Variants in CCSER1 observed in about 807,000 individuals in gnomAD.
CCSER1 encodes the protein coiled-coil serine rich protein 1, also known as serine-rich coiled-coil domain-containing protein 1.
A neutral mutation model predicts 82.0 loss-of-function variants in CCSER1; 41 were observed. That is an observed-to-expected ratio of 0.50 (90% CI 0.39 to 0.65). CCSER1 has a LOEUF of 0.65. Among genes scored for constraint, CCSER1 ranks in the 30% least tolerant of loss-of-function variants. CCSER1 has a pLI of 0.00. For missense variants in CCSER1, 1,119 were observed against 1,064.2 expected, an observed-to-expected ratio of 1.05 and a Z score of -0.72; for synonymous variants, 414 against 383.9, an observed-to-expected ratio of 1.08 and a Z score of -0.92.
intron 4 of CCSER1, among the ~76,000 whole-genome samples, chr4:90,420,561 C>G (rs1756530143): frequency 6.6e-6 from 1 of 150,384 alleles, no homozygotes. Context: ...TTTAAAAGTG[C>G]TTCTGCCTAT....
intron 4 of CCSER1, among the ~76,000 whole-genome samples, chr4:90,415,748 A>G (rs373405120): frequency 1.3e-5 from 2 of 152,200 alleles, no homozygotes; most frequent in Non-Finnish European, 2.9e-5. Context: ...TATTTCGGCT[A>G]CTCATAGGAT....
chr4:90,665,766 A>C (rs1213190482), intron 6 of CCSER1, among the ~76,000 whole-genome samples: 4 of 152,178 alleles, frequency 2.6e-5, no homozygotes, highest in Non-Finnish European at 5.9e-5. Context: ...CCAGAAACTG[A>C]AAATAACACA....
At chr4:90,610,201 C>T (rs1358000181) in intron 5 of CCSER1, among the ~76,000 whole-genome samples, 4 of 151,574 alleles carry the variant, frequency 2.6e-5, no homozygotes, top group Non-Finnish European at 5.9e-5. Context: ...TGCAGTGAGC[C>T]AAGATTGCGC....
chr4:91,554,924 T>C (rs916167791), intron 10 of CCSER1, among the ~76,000 whole-genome samples: 27 of 151,190 alleles, frequency 1.8e-4, no homozygotes, highest in Admixed American at 1.5e-3. Flanking sequence ...GCCAAGAACA[T>C]ACAATAGGGA....
At chr4:90,158,940 G>C (rs1187290086) in intron 1 of CCSER1, among the ~76,000 whole-genome samples, 2 of 152,092 alleles carry the variant, frequency 1.3e-5, no homozygotes, top group Admixed American at 1.3e-4. Context: ...TACCTCAGAT[G>C]GAAATGCAGA....
At chr4:91,446,051 G>A (rs1668974136) in intron 10 of CCSER1, among the ~76,000 whole-genome samples, 1 of 152,056 alleles carries the variant, frequency 6.6e-6, no homozygotes, top group Non-Finnish European at 1.5e-5. Context: ...TATAGTTTGA[G>A]TGGGAAGAAG....
intron 5 of CCSER1, among the ~76,000 whole-genome samples, chr4:90,613,968 C>T (rs1720731250): frequency 6.6e-6 from 1 of 152,136 alleles, no homozygotes; most frequent in South Asian, 2.1e-4. Flanking sequence ...TTGCACCTTG[C>T]TTTACACAGT....
At chr4:90,658,982 C>A (rs185432494) in intron 6 of CCSER1, among the ~76,000 whole-genome samples, 3 of 151,780 alleles carry the variant, frequency 2.0e-5, no homozygotes, top group African/African-American at 7.3e-5. Context: ...ATTTTCTTCC[C>A]GTTTTCTTGC....
chr4:90,887,780 G>A (rs929723518), intron 8 of CCSER1, among the ~76,000 whole-genome samples: 1 of 152,108 alleles, frequency 6.6e-6, no homozygotes, highest in African/African-American at 2.4e-5. Flanking sequence ...TACCTGGGAG[G>A]CTGAGGCAGG....
chr4:90,709,082 A>G (rs564020874), intron 6 of CCSER1, among the ~76,000 whole-genome samples: 1 of 152,314 alleles, frequency 6.6e-6, no homozygotes, highest in South Asian at 2.1e-4. Flanking sequence ...AATACAAAAT[A>G]TCTAATGACA....
intron 9 of CCSER1, among the ~76,000 whole-genome samples, chr4:91,036,528 A>G (rs1741446530): frequency 6.6e-6 from 1 of 152,138 alleles, no homozygotes; most frequent in South Asian, 2.1e-4. Flanking sequence ...ACTACCAGCC[A>G]TTCATTTGTT....
chr4:90,403,182 T>C (rs1206614645), intron 4 of CCSER1, among the ~76,000 whole-genome samples: 2 of 152,228 alleles, frequency 1.3e-5, no homozygotes, highest in African/African-American at 4.8e-5. Flanking sequence ...CAATTTATTT[T>C]ATTTATTAAG....
chr4:90,260,713 G>C (rs900424503), intron 1 of CCSER1, among the ~76,000 whole-genome samples: 1 of 152,014 alleles, frequency 6.6e-6, no homozygotes, highest in Non-Finnish European at 1.5e-5. Context: ...TTTTTTATTT[G>C]ATTTATTTCT....
At chr4:90,563,520 C>T (rs1779025463) in intron 5 of CCSER1, among the ~76,000 whole-genome samples, 1 of 152,094 alleles carries the variant, frequency 6.6e-6, no homozygotes, top group Non-Finnish European at 1.5e-5. Flanking sequence ...TTTTTTCTAT[C>T]AGTGAGATTA....
intron 9 of CCSER1, among the ~76,000 whole-genome samples, chr4:90,978,395 G>A (rs1735801796): frequency 6.6e-6 from 1 of 151,466 alleles, no homozygotes; most frequent in Non-Finnish European, 1.5e-5. Context: ...TTTGCAGTAG[G>A]GATGCATAAT....
intron 9 of CCSER1, among the ~76,000 whole-genome samples, chr4:90,991,472 C>T (rs1446306039): frequency 6.6e-6 from 1 of 151,908 alleles, no homozygotes; most frequent in Non-Finnish European, 1.5e-5. Flanking sequence ...CTGGTACTTC[C>T]ACGTATCCCT....
intron 4 of CCSER1, among the ~76,000 whole-genome samples, chr4:90,401,179 G>C (rs115903078): frequency 6.6e-6 from 1 of 151,804 alleles, no homozygotes; most frequent in South Asian, 2.1e-4. Flanking sequence ...AAATTTTTTC[G>C]GTTGAATACC....
At chr4:90,200,208 T>C (rs148672176) in intron 1 of CCSER1, among the ~76,000 whole-genome samples, 74 of 152,212 alleles carry the variant, frequency 4.9e-4, no homozygotes, top group Non-Finnish European at 7.9e-4. Flanking sequence ...CCAGAGTACA[T>C]GTCTCTGGAC....
intron 10 of CCSER1, among the ~76,000 whole-genome samples, chr4:91,103,849 G>A (rs900957352): frequency 6.6e-6 from 1 of 152,150 alleles, no homozygotes; most frequent in Admixed American, 6.5e-5. Context: ...GTGACTGCCT[G>A]CGGGGTCGGG....
Sources: allele counts gnomAD v4.1 joint callset (sites outside exome capture counted in the v4.1 genomes callset), GRCh38; gene constraint gnomAD v4.1.1; transcripts MANE v1.5; gene names NCBI Gene and HGNC (gene_info 2026-07-23, HGNC 2026-07-21).